The following VIPR2 variants were observed in gnomAD, a reference collection of about 807,000 sequenced individuals.
VIPR2 encodes the protein vasoactive intestinal peptide receptor 2, also known as vasoactive intestinal polypeptide receptor 2.
Under a neutral mutation model 58.0 loss-of-function variants are expected in VIPR2, and 48 were observed. The observed-to-expected ratio is 0.83, with a 90% CI of 0.66 to 1.05. VIPR2 has a LOEUF of 1.05. Ranked by LOEUF, VIPR2 falls within the 50% of genes least tolerant of loss-of-function variation. The probability of loss-of-function intolerance (pLI) is 0.00; values close to 1 mark genes in which losing one functional copy is unlikely to be tolerated. For synonymous variants in VIPR2, 243 were observed against 235.2 expected (o/e 1.03, Z -0.30); for missense variants, 534 against 558.0 (o/e 0.96, Z 0.43).
intron 4 of VIPR2, among the ~76,000 whole-genome samples, chr7:159,065,580 G>A (rs1330429627): frequency 1.3e-5 from 2 of 152,180 alleles, no homozygotes; most frequent in Non-Finnish European, 2.9e-5. Context: ...ACCCTGAATC[G>A]ACACACTGTT....
At chr7:159,138,632 C>G (rs1797326041) in intron 2 of VIPR2, among the ~76,000 whole-genome samples, 1 of 152,136 alleles carries the variant, frequency 6.6e-6, no homozygotes, top group African/African-American at 2.4e-5. Flanking sequence ...CACTGAAATA[C>G]AAAACAGAAA....
chr7:159,043,968 C>A (rs1854498264), intron 5 of VIPR2, among the ~76,000 whole-genome samples: 1 of 152,112 alleles, frequency 6.6e-6, no homozygotes, highest in Non-Finnish European at 1.5e-5. Context: ...AAGTGGGGAA[C>A]CCAGAAATCC....
At chr7:159,080,104 C>A (rs1217944373) in intron 4 of VIPR2, among the ~76,000 whole-genome samples, 1 of 152,190 alleles carries the variant, frequency 6.6e-6, no homozygotes, top group Non-Finnish European at 1.5e-5. Flanking sequence ...GGAATCCTCC[C>A]TAGCTCATTT....
chr7:159,053,735 A>G (rs1214035507), intron 5 of VIPR2, among the ~76,000 whole-genome samples: 3 of 152,122 alleles, frequency 2.0e-5, no homozygotes, highest in Non-Finnish European at 1.5e-5. Context: ...GACTGTAGAG[A>G]TGGGGTCTCC....
At chr7:159,078,754 T>G (rs1856767816) in intron 4 of VIPR2, among the ~76,000 whole-genome samples, 1 of 152,150 alleles carries the variant, frequency 6.6e-6, no homozygotes, top group South Asian at 2.1e-4. Flanking sequence ...CATAAGTAAC[T>G]CGGGAAAAAT....
Sources: allele counts gnomAD v4.1 joint callset (sites outside exome capture counted in the v4.1 genomes callset), GRCh38; gene constraint gnomAD v4.1.1; transcripts MANE v1.5; gene names NCBI Gene and HGNC (gene_info 2026-07-23, HGNC 2026-07-21).